Variants in ITGA9 observed in about 807,000 individuals in gnomAD.
The protein encoded by ITGA9 is integrin subunit alpha 9, also known as integrin alpha-9.
A neutral mutation model predicts 127.8 loss-of-function variants in ITGA9; 56 were observed. The ratio of observed to expected loss-of-function variants is 0.44; its 90% confidence interval spans 0.35 to 0.55. The LOEUF (loss-of-function observed/expected upper bound fraction) is 0.55. Among genes scored for constraint, ITGA9 ranks in the 20% least tolerant of loss-of-function variants. The probability of loss-of-function intolerance (pLI) is 0.00; values close to 1 mark genes in which losing one functional copy is unlikely to be tolerated. For synonymous variants in ITGA9, 508 were observed against 514.5 expected, an observed-to-expected ratio of 0.99 and a Z score of 0.17; for missense variants, 1,196 against 1,347.1, an observed-to-expected ratio of 0.89 and a Z score of 1.76.
intron 5 of ITGA9, among the ~76,000 whole-genome samples, chr3:37,496,040 G>T (rs1244062851): frequency 6.6e-6 from 1 of 152,142 alleles, no homozygotes; most frequent in Non-Finnish European, 1.5e-5. Context: ...CATGGGGGGT[G>T]GAGGGAGGAT....
intron 23 of ITGA9, among the ~76,000 whole-genome samples, chr3:37,752,151 C>T (rs982211422): frequency 1.3e-5 from 2 of 152,252 alleles, no homozygotes; most frequent in Non-Finnish European, 2.9e-5. Flanking sequence ...CAAGGGCCTC[C>T]TGTGGCTCCG....
At chr3:37,466,001 C>T (rs1698365981) in intron 1 of ITGA9, among the ~76,000 whole-genome samples, 1 of 152,106 alleles carries the variant, frequency 6.6e-6, no homozygotes, top group Non-Finnish European at 1.5e-5. Flanking sequence ...ATCTTAACCT[C>T]CTCTGGCCAC....
At chr3:37,460,720 G>GCAC (rs1698307915) in intron 1 of ITGA9, among the ~76,000 whole-genome samples, 2 of 151,554 alleles carry the variant, frequency 1.3e-5, no homozygotes, top group South Asian at 4.2e-4. Context: ...CTCCCGAGTA[G>GCAC]CTGGGACTAC....
At chr3:37,574,663 G>A (rs1229050782) in intron 15 of ITGA9, among the ~76,000 whole-genome samples, 1 of 152,204 alleles carries the variant, frequency 6.6e-6, no homozygotes, top group Non-Finnish European at 1.5e-5. Flanking sequence ...CCTTTGGAAA[G>A]TTCCTTGCCG....
chr3:37,588,952 G>A (rs987974762), intron 15 of ITGA9, among the ~76,000 whole-genome samples: 11 of 152,138 alleles, frequency 7.2e-5, no homozygotes, highest in South Asian at 2.1e-4. Flanking sequence ...CTGTAGTTAC[G>A]TACACAGGCT....
chr3:37,620,131 C>G (rs994055860), intron 15 of ITGA9, among the ~76,000 whole-genome samples: 1 of 152,206 alleles, frequency 6.6e-6, no homozygotes, highest in Non-Finnish European at 1.5e-5. Flanking sequence ...TATGTCCAGT[C>G]CTTCCTACCC....
chr3:37,723,175 T>C (rs1701210346), intron 18 of ITGA9, among the ~76,000 whole-genome samples: 1 of 152,178 alleles, frequency 6.6e-6, no homozygotes, highest in African/African-American at 2.4e-5. Flanking sequence ...TATCTTTTTA[T>C]TATTGAGCTG....
chr3:37,548,618 T>C (rs1016320541), intron 15 of ITGA9, among the ~76,000 whole-genome samples: 2 of 152,178 alleles, frequency 1.3e-5, no homozygotes, highest in African/African-American at 4.8e-5. Context: ...CAGACTAACC[T>C]GATCTGATGC....
rs1193401363 is a variant in ITGA9, at chr3:37,683,911, A to G, written c.1963A>G (p.Ile655Val). Residue 655 changes from isoleucine (I) to valine (V), a missense_variant, in exon 18 of 28, where the codon ATC (isoleucine) becomes GTC (valine). Ile to Val is a conservative substitution (Grantham distance 29). Coordinates refer to ENST00000264741, the MANE Select transcript of ITGA9 (RefSeq NM_002207.3). The part of the protein sequence containing the change: ...LYLALGAVKN[I>V]SLNISISNLG... ...TCTAGCTTTGGGGGCTGTGAAGAAC[A>G]TCTCCCTAAACATCTCTATCTCCAA... 5.0e-6 allele frequency: 8 copies of G among 1,614,016 alleles called. No individual in the cohort carries two copies. The highest frequency in any genetic ancestry group is 6.8e-6 in the Non-Finnish European group (8 of 1,180,024).
At chr3:37,716,270 A>C (rs1701134347) in intron 18 of ITGA9, among the ~76,000 whole-genome samples, 1 of 152,128 alleles carries the variant, frequency 6.6e-6, no homozygotes, top group African/African-American at 2.4e-5. Context: ...AGACCCCTGG[A>C]TGGAGCTCCA....
Position 37,629,107 on chromosome 3 carries a change from A to T in ITGA9, c.1690-80A>T. The T allele has an allele frequency of 6.6e-7, 1 of 1,505,274 alleles. No homozygotes were observed. Among genetic ancestry groups the T allele is most frequent in the South Asian group, 1.1e-5 (1 of 88,480 alleles). The allele number at this position is 1,505,274 out of a possible 1,614,324, so 93.2% of individuals were successfully genotyped here. On this transcript the variant is annotated intron_variant, in intron 15 of 27. Coordinates refer to ENST00000264741, the MANE Select transcript of ITGA9 (RefSeq NM_002207.3). This position sits in a 1 kb window ranked among gnomAD's most constrained non-coding sequence, Gnocchi z 4.5. ...GATTATATGAGGCAATTCATGTAGA[A>T]GGTCTTTGTAAACTGTGAAATGCTC...
Position 37,777,449 on chromosome 3 carries a change from C to T in ITGA9, c.2599C>T (p.Pro867Ser). Residue 867 changes from proline to serine, a missense_variant, in exon 24 of 28, where the codon CCT (proline) becomes TCT (serine). By Grantham distance (74) the Pro-to-Ser change is moderately conservative (BLOSUM62 -1). Coordinates refer to ENST00000264741, the MANE Select transcript of ITGA9 (RefSeq NM_002207.3). ...FQKNPTPCII[P>S]QEQENIFHTI... is the part of the protein sequence containing the mutation. ...GAAAAACCCAACTCCCTGCATCATC[C>T]CTCAAGAACAAGAAAATATCTTCCA... The T allele has an allele frequency of 1.2e-6, 2 of 1,613,990 alleles. No homozygotes were observed. The highest frequency in any genetic ancestry group is 1.3e-5 in the African/African-American group (1 of 75,040).
intron 27 of ITGA9, among the ~76,000 whole-genome samples, chr3:37,817,644 A>G (rs1301123808): frequency 6.6e-6 from 1 of 152,158 alleles, no homozygotes; most frequent in Middle Eastern, 3.2e-3. Flanking sequence ...GGAATGTCTG[A>G]CCTCATAAAC....
chr3:37,503,081 A>G (rs1698804792), intron 5 of ITGA9, 97 bp from the exon 6 acceptor site: 21 of 1,428,594 alleles, frequency 1.5e-5, no homozygotes, highest in Middle Eastern at 2.5e-4. Flanking sequence ...TCTTGGTGTG[A>G]GGAATTTCTC....
At position 37,637,659 on chromosome 3, in the gene ITGA9, A is replaced by ATGTTTTTGTTTT. The variant is rs71094919; in HGVS notation, c.1839+8339_1839+8350dup. Among the ~76,000 whole-genome samples the ATGTTTTTGTTTT allele has an allele frequency of 2.5e-3, 373 of 150,940 alleles. 4 individuals carry two copies. The highest frequency in any genetic ancestry group is 7.0e-3 in the African/African-American group (287 of 41,058). Reference sequence around the variant, plus strand: ...CTGATGGGGTGGGCCCCAGCAAACTATGTTTTTGTTTTTGTTTTTGTTTTT... The same window carrying ATGTTTTTGTTTT: ...CTGATGGGGTGGGCCCCAGCAAACTATGTTTTTGTTTTTGTTTTTGTTTTTGTTTTTGTTTTT... On this transcript the variant is annotated intron_variant, in intron 16 of 27. Transcript: ENST00000264741.
At chr3:37,672,016 T>A (rs898561028) in intron 17 of ITGA9, among the ~76,000 whole-genome samples, 1 of 152,242 alleles carries the variant, frequency 6.6e-6, no homozygotes, top group African/African-American at 2.4e-5. Context: ...TTGGATTTTT[T>A]TCAAGTGTAT....
rs3044748 is a variant in ITGA9 at position 37,585,796 on chromosome 3, G to GCC, written c.1689+43217_1689+43218dup. Among the ~76,000 whole-genome samples, 722 of 151,882 alleles carry GCC rather than the reference G, an allele frequency of 4.8e-3. 8 individuals carry two copies. Among genetic ancestry groups the GCC allele is most frequent in the African/African-American group, 0.014 (579 of 41,478 alleles). ...GGTTTTCTTAAGCAGGAAGAAGGGG[G>GCC]CCCCCCCAATTTTAATTTACTGAAT... is the stretch of plus-strand genomic sequence containing the variant. On this transcript the variant is annotated intron_variant, in intron 15 of 27. Coordinates refer to ENST00000264741, the MANE Select transcript of ITGA9 (RefSeq NM_002207.3).
At chr3:37,473,319 T>C (rs1368192738) in intron 2 of ITGA9, 35 bp from the exon 3 acceptor site, 2 of 1,572,462 alleles carry the variant, frequency 1.3e-6, no homozygotes, top group South Asian at 2.2e-5. Flanking sequence ...ACATCACTCC[T>C]CAACCCAAGT....
chr3:37,526,017 C>T lies in ITGA9; in HGVS notation c.1328-9C>T, dbSNP rs765502110. On this transcript the variant is annotated splice_polypyrimidine_tract_variant and intron_variant, in intron 12 of 27. Transcript: ENST00000264741. The stretch of plus-strand genomic sequence containing the variant: ...AAGTTTCTGAACGCTGTAAACTTCT[C>T]ATTTTCAGATGTCACTGTTGGAGCC... The T allele has an allele frequency of 2.5e-6, 4 of 1,613,570 alleles. No homozygotes were observed. The highest frequency in any genetic ancestry group is 3.4e-6 in the Non-Finnish European group (4 of 1,179,642).
Sources: gnomAD v4.1 joint callset for allele counts (sites outside exome capture counted in the v4.1 genomes callset) on GRCh38, gnomAD v4.1.1 for gene constraint, Gnocchi (gnomAD v3.1) non-coding constraint, MANE v1.5 for transcripts, NCBI Gene and HGNC (gene_info 2026-07-23, HGNC 2026-07-21) for gene names.